TMEM218: variants seen among roughly 807,000 people sequenced by gnomAD.
TMEM218 encodes the protein transmembrane protein 218.
A neutral mutation model predicts 10.0 loss-of-function variants in TMEM218; 8 were observed. The ratio of observed to expected loss-of-function variants is 0.80; its 90% CI spans 0.47 to 1.44. The LOEUF is 1.44. Among genes scored for constraint, TMEM218 ranks in the 40% most tolerant of loss-of-function variants. TMEM218 has a pLI of 0.00. For synonymous variants in TMEM218, 66 were observed against 63.5 expected (o/e 1.04, Z -0.18); for missense variants, 110 against 140.1 (o/e 0.79, Z 1.08).
chr11:125,109,117 A>G (rs138416580), intron 1 of TMEM218, among the ~76,000 whole-genome samples: 189 of 152,286 alleles, frequency 1.2e-3, no homozygotes, highest in African/African-American at 4.4e-3. Flanking sequence ...GAACAGATAC[A>G]ATATTATATA....
chr11:125,105,074 A>G (rs1269594954), intron 1 of TMEM218: 4 of 152,170 alleles, frequency 2.6e-5, no homozygotes, highest in African/African-American at 7.2e-5. Context: ...CCCTCACAGG[A>G]TTGACCAGTT....
chr11:125,106,632 A>T (rs947083003), intron 1 of TMEM218, among the ~76,000 whole-genome samples: 1 of 152,250 alleles, frequency 6.6e-6, no homozygotes, highest in African/African-American at 2.4e-5. Context: ...AACCAAATTC[A>T]GTGCCTTCAT....
intron 4 of TMEM218, 122 bp from the exon 5 acceptor site, chr11:125,097,862 G>T (rs1949907072): frequency 2.3e-6 from 2 of 876,110 alleles, no homozygotes; most frequent in Non-Finnish European, 3.5e-6. Flanking sequence ...GTAACATCCT[G>T]CCCTGAGTCT....
Position 125,108,206 on chromosome 11 carries a change from G to A in TMEM218, c.-153+3333C>T, listed in dbSNP as rs1952755218. Among the ~76,000 whole-genome samples, 1 of 152,172 alleles carries A rather than the reference G, an allele frequency of 6.6e-6. No individual in the cohort carries two copies. Among genetic ancestry groups the A allele is most frequent in the Non-Finnish European group, 1.5e-5 (1 of 68,014 alleles). On this transcript the variant is annotated intron_variant, in intron 1 of 4. Coordinates refer to ENST00000682305, the MANE Select transcript of TMEM218 (RefSeq NM_001258244.2). This position sits in a 1 kb window ranked among gnomAD's most constrained non-coding sequence, Gnocchi z 5.3. Reference sequence around the variant, plus strand: ...CCAAAGTAATTAAAACAGTGTGATAGTGGCACAAAGACACATGGCCCAGTG... The same window carrying A: ...CCAAAGTAATTAAAACAGTGTGATAATGGCACAAAGACACATGGCCCAGTG...
chr11:125,107,622 G>C (rs535257100), intron 1 of TMEM218, among the ~76,000 whole-genome samples: 200 of 152,136 alleles, frequency 1.3e-3, no homozygotes, highest in Middle Eastern at 6.8e-3. Context: ...ACAGAAAAGG[G>C]TTTCTAGGAG....
At chr11:125,110,849 A>AC (rs1229768795) in intron 1 of TMEM218, 1 of 38,908 alleles carries the variant, frequency 2.6e-5, no homozygotes, top group Non-Finnish European at 7.1e-5. Flanking sequence ...TTCAAAAATA[A>AC]CGGGGGGGGG....
rs186936849 is a variant in TMEM218 at position 125,099,651 on chromosome 11, C to T, written c.213+1550G>A. On this transcript the variant is annotated intron_variant, in intron 4 of 4. Coordinates refer to ENST00000682305, the MANE Select transcript of TMEM218 (RefSeq NM_001258244.2). The stretch of plus-strand genomic sequence containing the variant: ...AAAAGACAAGGAAAGCAGCTGGGTG[C>T]GGTGGCTCACGTCTGTAATCCCAGC... Among the ~76,000 whole-genome samples, 4 of 152,238 alleles carry T rather than the reference C, an allele frequency of 2.6e-5. No individual in the cohort carries two copies. In the East Asian group the frequency reaches 5.8e-4, roughly 22 times the overall value.
At chr11:125,106,411 AC>A (rs1452719847) in intron 1 of TMEM218, among the ~76,000 whole-genome samples, 2 of 152,142 alleles carry the variant, frequency 1.3e-5, no homozygotes, top group Non-Finnish European at 2.9e-5. Flanking sequence ...TAACAACAAA[AC>A]CTCCAAATAT....
chr11:125,099,262 T>C lies in TMEM218; in HGVS notation c.214-1522A>G, dbSNP rs781433699. On this transcript the variant is annotated intron_variant, in intron 4 of 4. Coordinates refer to ENST00000682305, the MANE Select transcript of TMEM218 (RefSeq NM_001258244.2). ...AAACAGCTTTAACATAACTTTGACCTTGGCTCCGGTACTGAACAAGTCTCT... is the reference window on the plus strand; with the variant it reads ...AAACAGCTTTAACATAACTTTGACCCTGGCTCCGGTACTGAACAAGTCTCT... Among the ~76,000 whole-genome samples, 23 of 152,196 alleles carry C rather than the reference T, an allele frequency of 1.5e-4. 1 individual carries two copies. Among genetic ancestry groups the C allele is most frequent in the Non-Finnish European group, 5.9e-5 (4 of 68,040 alleles).
Position 125,102,819 on chromosome 11 carries a change from G to A in TMEM218, c.-152-10C>T, listed in dbSNP as rs544802877. ...ATGAAAACTCCCAGTCCTTAAAGAA[G>A]AGGAACAGCCATCACTATTTTTGAA... is the stretch of plus-strand genomic sequence containing the variant. On this transcript the variant is annotated splice_polypyrimidine_tract_variant and intron_variant, in intron 1 of 4. Transcript: ENST00000682305. 7 of 750,740 alleles carry A rather than the reference G, an allele frequency of 9.3e-6. No homozygotes were observed. Among genetic ancestry groups the A allele is most frequent in the South Asian group, 6.6e-5 (4 of 60,246 alleles). 46.5% of individuals were successfully genotyped at this position (750,740 alleles called of 1,614,324 possible).
Position 125,097,689 on chromosome 11 carries a change from C to T in TMEM218, c.265G>A (p.Ala89Thr). 6.2e-7 allele frequency: 1 copy of T among 1,614,110 alleles called. No homozygotes were observed. Among genetic ancestry groups the T allele is most frequent in the Non-Finnish European group, 8.5e-7 (1 of 1,179,986 alleles). Residue 89 changes from alanine to threonine, a missense_variant, in exon 5 of 5, where the codon GCC becomes ACC. Physicochemically the swap from Ala to Thr is moderately conservative, Grantham distance 58 (BLOSUM62 0). Transcript: ENST00000682305. ...AAGAAGAGGCCTCCAAGGAAGATGG[C>T]ACTAAGGAAAGCCAGCAGGACATAG... is the stretch of plus-strand genomic sequence containing the variant. ...GRYVLLAFLS[A>T]IFLGGLFLVL...
In TMEM218 at chr11:125,100,223, T is replaced by C. The variant is rs536201505; in HGVS notation, c.213+978A>G. On this transcript the variant is annotated intron_variant, in intron 4 of 4. Coordinates refer to ENST00000682305, the MANE Select transcript of TMEM218 (RefSeq NM_001258244.2). ...CTCTCTGGGACTGCCCTGAATATTC[T>C]GTTAAGTTCTCAACACTGAAGATTT... 4.9e-4 allele frequency among the ~76,000 whole-genome samples: 74 copies of C among 152,356 alleles called. 1 individual carries two copies. The highest frequency in any genetic ancestry group is 1.7e-3 in the African/African-American group (71 of 41,584).
chr11:125,102,594 C>T lies in TMEM218; in HGVS notation c.-77+140G>A, dbSNP rs1252243671. ...GTTCTACTTTGACCTCTTCCCCCAG[C>T]CCACGGGAGAAAGCTGAACCCTCTC... On this transcript the variant is annotated intron_variant, in intron 2 of 4. Transcript: ENST00000682305. The T allele has an allele frequency of 2.3e-6, 3 of 1,323,126 alleles. No individual in the cohort carries two copies. The South Asian group carries it at 3.7e-5, about 16-fold the overall frequency. The allele number at this position is 1,323,126 out of a possible 1,614,324, so 82.0% of individuals were successfully genotyped here.
chr11:125,095,107 G>A lies in TMEM218; in HGVS notation c.*2499C>T, dbSNP rs1025697770. Among the ~76,000 whole-genome samples, 3 of 152,182 alleles carry A rather than the reference G, an allele frequency of 2.0e-5. No individual in the cohort carries two copies. Among genetic ancestry groups the A allele is most frequent in the African/African-American group, 7.2e-5 (3 of 41,426 alleles). On this transcript the variant is annotated 3_prime_UTR_variant, in exon 5 of 5. Transcript: ENST00000682305. Reference sequence around the variant, plus strand: ...TACCCATTGTGATCTCCATTGTGGGGATAGGGTGGTATCCTCCTAATTCAG... The same window carrying A: ...TACCCATTGTGATCTCCATTGTGGGAATAGGGTGGTATCCTCCTAATTCAG...
chr11:125,101,893 G>C, intron 3 of TMEM218: 1 of 532,666 alleles, frequency 1.9e-6, no homozygotes, highest in East Asian at 3.3e-5. Flanking sequence ...TCAATAAGCA[G>C]TGAAAGCAGA....
intron 3 of TMEM218, chr11:125,101,745 G>T: frequency 2.0e-6 from 1 of 498,798 alleles, no homozygotes; most frequent in East Asian, 3.2e-5. Flanking sequence ...GGCAATGCCT[G>T]ATATAGAAAG....
intron 3 of TMEM218, 130 bp from the exon 4 acceptor site, chr11:125,101,433 C>T (rs750744194): frequency 5.2e-6 from 8 of 1,527,842 alleles, no homozygotes; most frequent in Non-Finnish European, 6.1e-6. Context: ...CAGAGGCCTG[C>T]TGTCAACAAC....
chr11:125,102,389 G>A, intron 2 of TMEM218, 72 bp from the exon 3 acceptor site: 1 of 1,525,076 alleles, frequency 6.6e-7, no homozygotes, highest in South Asian at 1.2e-5. Flanking sequence ...TGATCAGTGT[G>A]TTAGGAGGAT....
intron 3 of TMEM218, 114 bp from the exon 4 acceptor site, chr11:125,101,417 A>G (rs1409568362): frequency 6.6e-7 from 1 of 1,524,418 alleles, no homozygotes; most frequent in Admixed American, 2.1e-5. Context: ...GTCCCTTAAC[A>G]ATGTCCAGAG....
Sources: gnomAD v4.1 joint callset for allele counts (sites outside exome capture counted in the v4.1 genomes callset) on GRCh38, gnomAD v4.1.1 for gene constraint, Gnocchi (gnomAD v3.1) non-coding constraint, MANE v1.5 for transcripts, NCBI Gene and HGNC (gene_info 2026-07-23, HGNC 2026-07-21) for gene names.